The following SPINT1 variants were observed in gnomAD, a reference collection of about 807,000 sequenced individuals.
SPINT1 encodes kunitz-type protease inhibitor 1.
A neutral mutation model predicts 53.7 loss-of-function variants in SPINT1; 38 were observed. The ratio of observed to expected loss-of-function variants is 0.71; its 90% CI spans 0.55 to 0.93. The LOEUF (loss-of-function observed/expected upper bound fraction) is 0.93. Ranked by LOEUF, SPINT1 falls within the 40% of genes least tolerant of loss-of-function variation. SPINT1 has a pLI of 0.00. For missense variants in SPINT1, 645 were observed against 692.9 expected (o/e 0.93, Z 0.78); for synonymous variants, 283 against 280.6 (o/e 1.01, Z -0.08).
At chr15:40,856,496 G>A (rs750521655) in intron 10 of SPINT1, among the ~76,000 whole-genome samples, 173 bp downstream of exon 10, 1 of 152,156 alleles carries the variant, frequency 6.6e-6, no homozygotes, top group Non-Finnish European at 1.5e-5. Flanking sequence ...AGGGAGTACA[G>A]TAAAGTGCGT....
At position 40,853,683 on chromosome 15, in the gene SPINT1, C is replaced by T. The variant is rs531819678; in HGVS notation, c.743-28C>T. 1.2e-4 allele frequency: 186 copies of T among 1,613,996 alleles called. 2 individuals are homozygous for T. In the South Asian group the frequency reaches 1.4e-3, roughly 12 times the overall value. ...GCCCCCGCTGTGCGGATTGGCCGCACGGTCCCCTCATAAGCTCTCCCCCCT... is the reference window on the plus strand; with the variant it reads ...GCCCCCGCTGTGCGGATTGGCCGCATGGTCCCCTCATAAGCTCTCCCCCCT... On this transcript the variant is annotated intron_variant, in intron 4 of 10. Coordinates refer to ENST00000562057, the MANE Select transcript of SPINT1 (RefSeq NM_003710.4).
chr15:40,856,355 A>G (rs367887953), intron 10 of SPINT1, 32 bp downstream of exon 10: 2 of 1,613,726 alleles, frequency 1.2e-6, no homozygotes, highest in African/African-American at 1.3e-5. Context: ...AACTGAGGTT[A>G]GCATGTAGGT....
intron 2 of SPINT1, among the ~76,000 whole-genome samples, chr15:40,852,629 G>GTC (rs200169204): frequency 0.028 from 3,869 of 138,400 alleles, 65 homozygotes; most frequent in South Asian, 0.07. Context: ...GTAAGTGTCT[G>GTC]TGTGTGTGTG....
chr15:40,853,090 G>A, intron 2 of SPINT1, 34 bp from the exon 3 acceptor site: 1 of 1,608,014 alleles, frequency 6.2e-7, no homozygotes, highest in Non-Finnish European at 8.5e-7. Flanking sequence ...CATCTAGTGA[G>A]AATTGACCTT....
intron 2 of SPINT1, among the ~76,000 whole-genome samples, chr15:40,852,513 TGTCAA>T (rs1240809041): frequency 2.0e-5 from 3 of 152,098 alleles, no homozygotes; most frequent in African/African-American, 7.2e-5. Context: ...ACACAGGCAC[TGTCAA>T]GTCAAGGAAG....
intron 2 of SPINT1, among the ~76,000 whole-genome samples, chr15:40,846,131 G>C (rs1478070745): frequency 6.6e-6 from 1 of 152,188 alleles, no homozygotes; most frequent in Non-Finnish European, 1.5e-5. Context: ...GAGCCAGACA[G>C]GGCTCTCCCT....
chr15:40,857,062 CTT>C lies in SPINT1; in HGVS notation c.*88_*89del. 2 of 1,527,474 alleles carry C rather than the reference CTT, an allele frequency of 1.3e-6. No homozygotes were observed. Among genetic ancestry groups the C allele is most frequent in the Non-Finnish European group, 1.8e-6 (2 of 1,128,262 alleles). 94.6% of individuals were successfully genotyped at this position (1,527,474 alleles called of 1,614,324 possible). A position where few individuals can be genotyped will look rare whatever the true frequency, so the allele number is the denominator to read the frequency against. On this transcript the variant is annotated 3_prime_UTR_variant, in exon 11 of 11. Coordinates refer to ENST00000562057, the MANE Select transcript of SPINT1 (RefSeq NM_003710.4). ...CTGGGAAAAACTTTGGAACCAGACT[CTT>C]GCCTGTTTCCCAGGCCCACTGTGCC...
chr15:40,852,994 C>A, intron 2 of SPINT1, 130 bp from the exon 3 acceptor site: 1 of 1,198,072 alleles, frequency 8.3e-7, no homozygotes, highest in Non-Finnish European at 1.2e-6. Flanking sequence ...CCCACCCGCA[C>A]CCCATGCAGG....
rs1173707694 is a variant in SPINT1, at chr15:40,853,707, CT to C, written c.743-3del. ...ACGGTCCCCTCATAAGCTCTCCCCC[CT>C]AGACTACTGCCTCGCATCCAACAAG... is the stretch of plus-strand genomic sequence containing the variant. On this transcript the variant is annotated splice_polypyrimidine_tract_variant and splice_region_variant and intron_variant, in intron 4 of 10. Transcript: ENST00000562057. The C allele has an allele frequency of 6.2e-6, 10 of 1,613,950 alleles. 1 individual carries two copies. The highest frequency in any genetic ancestry group is 4.5e-5 in the East Asian group (2 of 44,894).
intron 2 of SPINT1, 86 bp downstream of exon 2, chr15:40,845,115 A>C: frequency 9.4e-7 from 1 of 1,059,182 alleles, no homozygotes; most frequent in Non-Finnish European, 1.3e-6. Flanking sequence ...AACATCAGAG[A>C]GGAGTTAAGG....
In SPINT1 at chr15:40,854,693, A is replaced by G; in HGVS notation, c.1117+4A>G. The G allele has an allele frequency of 6.2e-7, 1 of 1,614,066 alleles. No homozygotes were observed. Among genetic ancestry groups the G allele is most frequent in the Non-Finnish European group, 8.5e-7 (1 of 1,180,016 alleles). ...ATCCATTTCCCCAGTGACAAAGGTG[A>G]GATCCTCCCCAGGTGCCCTGGATCA... On this transcript the variant is annotated splice_donor_region_variant and intron_variant, in intron 8 of 10. Transcript: ENST00000562057.
rs79799549 is a variant in SPINT1, at chr15:40,857,319, G to A, written c.*344G>A. 6,612 of 308,362 alleles carry A rather than the reference G, an allele frequency of 0.021. 92 individuals are homozygous for A. The highest frequency in any genetic ancestry group is 0.053 in the Middle Eastern group (58 of 1,102). The allele number at this position is 308,362 out of a possible 1,614,324, so 19.1% of individuals were successfully genotyped here. A position where few individuals can be genotyped will look rare whatever the true frequency, so the allele number is the denominator to read the frequency against. On this transcript the variant is annotated 3_prime_UTR_variant, in exon 11 of 11. Coordinates refer to ENST00000562057, the MANE Select transcript of SPINT1 (RefSeq NM_003710.4). ...AGGAGTGGGGTGGTGTCAGACCCTG[G>A]AGGCCCCAACCCTGTCCTCCCGAGC... is the stretch of plus-strand genomic sequence containing the variant.
intron 2 of SPINT1, among the ~76,000 whole-genome samples, chr15:40,847,485 A>G (rs1891328591): frequency 1.3e-5 from 2 of 152,182 alleles, no homozygotes; most frequent in African/African-American, 4.8e-5. Flanking sequence ...AGGCCAGTAC[A>G]GATTCCTGCA....
At position 40,854,370 on chromosome 15, in the gene SPINT1, A is replaced by G. The variant is rs758647699; in HGVS notation, c.941-27A>G. The G allele has an allele frequency of 2.6e-6, 4 of 1,526,544 alleles. No homozygotes were observed. The South Asian group carries it at 5.2e-5, about 20-fold the overall frequency. The allele number at this position is 1,526,544 out of a possible 1,614,324, so 94.6% of individuals were successfully genotyped here. Reference sequence around the variant, plus strand: ...GCCCTGGGCACTTGTTCTTTGCTTGAGCCTGACCTCCCTTCCACCCGTCCA... The same window carrying G: ...GCCCTGGGCACTTGTTCTTTGCTTGGGCCTGACCTCCCTTCCACCCGTCCA... On this transcript the variant is annotated intron_variant, in intron 6 of 10. Transcript: ENST00000562057.
rs1891714072 is a variant in SPINT1, at chr15:40,858,162, C to T, written c.*1187C>T. Reference sequence around the variant, plus strand: ...ACCCACACCCCTGCATTTGTTCAAGCTACCTCCCGGTGCCAAAAAAAAAAA... The same window carrying T: ...ACCCACACCCCTGCATTTGTTCAAGTTACCTCCCGGTGCCAAAAAAAAAAA... On this transcript the variant is annotated 3_prime_UTR_variant, in exon 11 of 11. Transcript: ENST00000562057. 2.8e-5 allele frequency: 4 copies of T among 143,706 alleles called. No homozygotes were observed. Among genetic ancestry groups the T allele is most frequent in the Admixed American group, 2.7e-4 (4 of 14,722 alleles). 8.9% of individuals were successfully genotyped at this position (143,706 alleles called of 1,614,324 possible).
At chr15:40,853,979 T>TGCCAATGC in intron 5 of SPINT1, 81 bp from the exon 6 acceptor site, 1 of 1,528,244 alleles carries the variant, frequency 6.5e-7, no homozygotes, top group Non-Finnish European at 9.0e-7. Flanking sequence ...GTGGGAGCTC[T>TGCCAATGC]CCCTTGCCCA....
rs955844090 is a variant in SPINT1, at chr15:40,853,200, G to A, written c.552G>A (p.Val184=). 1.2e-6 allele frequency: 2 copies of A among 1,614,198 alleles called. No individual in the cohort carries two copies. The highest frequency in any genetic ancestry group is 2.2e-5 in the East Asian group (1 of 44,882). The change falls in exon 3 of 11, where the codon GTG becomes GTA. Residue 184 remains valine (V), a synonymous_variant. Coordinates refer to ENST00000562057, the MANE Select transcript of SPINT1 (RefSeq NM_003710.4). Reference sequence around the variant, plus strand: ...AGGAACCCCTGGTGCTGAAGGATGTGGAAAACACAGATTGGCGCCTACTGC... The same window carrying A: ...AGGAACCCCTGGTGCTGAAGGATGTAGAAAACACAGATTGGCGCCTACTGC... The part of the protein sequence containing the change: ...QPQEPLVLKD[V]ENTDWRLLRG...
At chr15:40,853,002 A>G (rs968960512) in intron 2 of SPINT1, 122 bp from the exon 3 acceptor site, 5 of 1,276,456 alleles carry the variant, frequency 3.9e-6, no homozygotes, top group Non-Finnish European at 5.4e-6. Context: ...CACCCCATGC[A>G]GGCTGTGGAG....
rs565266707 is a variant in SPINT1 at position 40,844,883 on chromosome 15, A to T, written c.329A>T (p.Glu110Val). ...GTGGAGCTGCAGCCCGACCGCGGGG[A>T]GGACGCCATCGCCGCCTGCTTCCTC... ...ALVELQPDRG[E>V]DAIAACFLIN... Residue 110 changes from glutamate to valine, a missense_variant, in exon 2 of 11, where the codon GAG becomes GTG. Physicochemically the swap from Glu to Val is moderately radical, Grantham distance 121. Coordinates refer to ENST00000562057, the MANE Select transcript of SPINT1 (RefSeq NM_003710.4). The surrounding 1 kb of genome is among the most constrained non-coding windows in gnomAD (Gnocchi z 5.8). 32 of 1,613,798 alleles carry T rather than the reference A, an allele frequency of 2.0e-5. No individual in the cohort carries two copies. Among genetic ancestry groups the T allele is most frequent in the Non-Finnish European group, 2.6e-5 (31 of 1,180,002 alleles).
Sources: gnomAD v4.1 joint callset for allele counts (sites outside exome capture counted in the v4.1 genomes callset) on GRCh38, gnomAD v4.1.1 for gene constraint, Gnocchi (gnomAD v3.1) non-coding constraint, MANE v1.5 for transcripts, NCBI Gene and HGNC (gene_info 2026-07-23, HGNC 2026-07-21) for gene names.